Variants in PRKG1 observed in about 807,000 individuals in gnomAD.
PRKG1 encodes protein kinase cGMP-dependent 1, also known as cGMP-dependent protein kinase 1.
A neutral mutation model predicts 88.1 loss-of-function variants in PRKG1; 35 were observed. The observed-to-expected ratio is 0.40, with a 90% CI of 0.30 to 0.53. The LOEUF (loss-of-function observed/expected upper bound fraction) is 0.53, where lower values mean the gene tolerates loss of function less well. PRKG1 is among the 20% of genes least tolerant of loss of function. The pLI, the probability that PRKG1 is intolerant of heterozygous loss-of-function variation, is 0.59. For missense variants in PRKG1, 540 were observed against 839.8 expected, an observed-to-expected ratio of 0.64 and a Z score of 4.41; for synonymous variants, 303 against 292.5, an observed-to-expected ratio of 1.04 and a Z score of -0.37.
intron 1 of PRKG1, among the ~76,000 whole-genome samples, chr10:51,084,341 A>G (rs186000499): frequency 1.3e-5 from 2 of 152,334 alleles, no homozygotes; most frequent in African/African-American, 4.8e-5. Flanking sequence ...TGGTGGTAGG[A>G]CACTGGGAAA....
At chr10:52,264,341 G>T (rs1435173304) in intron 10 of PRKG1, among the ~76,000 whole-genome samples, 1 of 152,050 alleles carries the variant, frequency 6.6e-6, no homozygotes, top group East Asian at 1.9e-4. Flanking sequence ...TAATCTAATA[G>T]GATAAGATAC....
intron 1 of PRKG1, among the ~76,000 whole-genome samples, chr10:50,993,863 G>C (rs999708340): frequency 6.6e-6 from 1 of 152,162 alleles, no homozygotes; most frequent in Admixed American, 6.5e-5. Flanking sequence ...GGAGGAAATG[G>C]CTAATCTTGG....
chr10:51,182,471 C>G (rs1055527121), intron 2 of PRKG1, among the ~76,000 whole-genome samples: 1 of 152,144 alleles, frequency 6.6e-6, no homozygotes, highest in South Asian at 2.1e-4. Context: ...CTTTGCATCA[C>G]GTTTCAGCCA....
chr10:51,983,652 C>T (rs960780362), intron 5 of PRKG1, among the ~76,000 whole-genome samples: 2 of 152,202 alleles, frequency 1.3e-5, no homozygotes, highest in Non-Finnish European at 2.9e-5. Context: ...CTGTGTTCCT[C>T]TACAGACACT....
intron 2 of PRKG1, among the ~76,000 whole-genome samples, chr10:51,164,307 G>C (rs1440481808): frequency 6.6e-6 from 1 of 152,190 alleles, no homozygotes; most frequent in African/African-American, 2.4e-5. Context: ...TGGACCGCTA[G>C]CAAACTCCAA....
At chr10:52,074,871 C>A (rs888045500) in intron 7 of PRKG1, among the ~76,000 whole-genome samples, 8 of 152,166 alleles carry the variant, frequency 5.3e-5, no homozygotes, top group African/African-American at 1.9e-4. Context: ...AAGACTGTAT[C>A]GCATAAAAGG....
At chr10:51,839,588 A>G (rs1840217112) in intron 4 of PRKG1, among the ~76,000 whole-genome samples, 2 of 152,232 alleles carry the variant, frequency 1.3e-5, no homozygotes, top group Non-Finnish European at 1.5e-5. Context: ...GACAGGAATT[A>G]TATTGAAAAC....
intron 2 of PRKG1, among the ~76,000 whole-genome samples, chr10:51,250,859 A>G (rs1839409187): frequency 6.6e-6 from 1 of 151,102 alleles, no homozygotes; most frequent in Non-Finnish European, 1.5e-5. Flanking sequence ...AGCCCTCTCT[A>G]TGCCTTCCAG....
chr10:52,256,403 G>C (rs1353952626), intron 10 of PRKG1, among the ~76,000 whole-genome samples: 2 of 139,176 alleles, frequency 1.4e-5, no homozygotes, highest in African/African-American at 2.5e-5. Context: ...CTAGAAGCTA[G>C]AGCTCTAGAA....
chr10:51,184,827 G>T (rs7092050), intron 2 of PRKG1, among the ~76,000 whole-genome samples: 8,082 of 152,020 alleles, frequency 0.053, 404 homozygotes, highest in African/African-American at 0.13. Flanking sequence ...CATTTGTTGC[G>T]TACCTCACCC....
At chr10:51,035,053 A>C (rs1263964711) in intron 1 of PRKG1, among the ~76,000 whole-genome samples, 2 of 152,078 alleles carry the variant, frequency 1.3e-5, no homozygotes, top group Admixed American at 6.6e-5. Context: ...CTGGGAAAAG[A>C]TCAGAGATGA....
intron 14 of PRKG1, 121 bp from the exon 15 acceptor site, chr10:52,288,605 G>A: frequency 9.0e-7 from 1 of 1,112,200 alleles, no homozygotes; most frequent in East Asian, 2.6e-5. Context: ...TCATTCCATT[G>A]TCACTATTAA....
intron 2 of PRKG1, among the ~76,000 whole-genome samples, chr10:51,461,581 A>T (rs762137715): frequency 1.3e-4 from 20 of 152,198 alleles, no homozygotes; most frequent in Non-Finnish European, 2.6e-4. Flanking sequence ...TGAAGAGTTA[A>T]CACATCATCT....
intron 1 of PRKG1, among the ~76,000 whole-genome samples, chr10:51,118,844 C>G (rs1429750151): frequency 6.6e-6 from 1 of 152,048 alleles, no homozygotes; most frequent in Non-Finnish European, 1.5e-5. Context: ...AGAATTCTTG[C>G]TGGAACAAGC....
chr10:51,859,326 C>T (rs1264995937), intron 4 of PRKG1, among the ~76,000 whole-genome samples: 7 of 151,698 alleles, frequency 4.6e-5, no homozygotes. Flanking sequence ...GTTAAAACTT[C>T]CAGTGGCACC....
At chr10:51,804,269 T>A (rs1839247848) in intron 3 of PRKG1, among the ~76,000 whole-genome samples, 1 of 152,128 alleles carries the variant, frequency 6.6e-6, no homozygotes, top group Non-Finnish European at 1.5e-5. Context: ...TCTTCATATA[T>A]AGCCTTGATT....
intron 5 of PRKG1, among the ~76,000 whole-genome samples, chr10:51,927,817 AAAATTTT>A (rs1842612206): frequency 6.6e-6 from 1 of 152,176 alleles, no homozygotes; most frequent in African/African-American, 2.4e-5. Flanking sequence ...ATGTTATTCT[AAAATTTT>A]GGCATTTCCA....
At chr10:52,069,688 C>T (rs1188137365) in intron 7 of PRKG1, among the ~76,000 whole-genome samples, 3 of 151,960 alleles carry the variant, frequency 2.0e-5, no homozygotes, top group South Asian at 2.1e-4. Flanking sequence ...GTATCCCACC[C>T]GCGTACTTCC....
rs564800866 is a variant in PRKG1 at position 51,360,350 on chromosome 10, G to C, written c.479-107373G>C. Among the ~76,000 whole-genome samples the C allele has an allele frequency of 7.5e-4, 114 of 151,970 alleles. 1 individual carries two copies. The highest frequency in any genetic ancestry group is 2.5e-3 in the African/African-American group (105 of 41,474). On this transcript the variant is annotated intron_variant, in intron 2 of 17. Coordinates refer to ENST00000373980, the MANE Select transcript of PRKG1 (RefSeq NM_006258.4). ...ATAGGGGCTTTCTAATTCTAACAAA[G>C]AAGTTATAAAAGACATCAGCCTCCA...
Sources: allele counts gnomAD v4.1 joint callset (sites outside exome capture counted in the v4.1 genomes callset), GRCh38; gene constraint gnomAD v4.1.1; transcripts MANE v1.5; gene names NCBI Gene and HGNC (gene_info 2026-07-23, HGNC 2026-07-21).